UNC93A: variants seen among roughly 807,000 people sequenced by gnomAD.
The protein encoded by UNC93A is unc-93 homolog A, also known as N-acetylglucosamine transporter UNC93A.
In UNC93A, 43 loss-of-function variants were observed where a neutral mutation model predicts 47.5. That is an observed-to-expected ratio of 0.91 (90% confidence interval 0.71 to 1.17). UNC93A has a LOEUF of 1.17. Ranked by LOEUF, UNC93A falls within the 50% of genes most tolerant of loss-of-function variation. The pLI is 0.00. For missense variants in UNC93A, 605 were observed against 577.6 expected (o/e 1.05, Z -0.49); for synonymous variants, 280 against 258.0 (o/e 1.09, Z -0.82).
intron 5 of UNC93A, 70 bp from the exon 6 acceptor site, chr6:167,305,845 A>C (rs1052939215): frequency 1.2e-6 from 2 of 1,605,610 alleles, no homozygotes; most frequent in Non-Finnish European, 1.7e-6. Context: ...TAAGCACCCG[A>C]CTGCAGCTTT....
At chr6:167,294,727 C>G (rs755840790) in intron 2 of UNC93A, 29 bp downstream of exon 2, 48 of 1,561,700 alleles carry the variant, frequency 3.1e-5, no homozygotes, top group Middle Eastern at 1.7e-4. Flanking sequence ...CTGCCCACCC[C>G]ACCCCGGCCG....
intron 3 of UNC93A, among the ~76,000 whole-genome samples, chr6:167,297,513 A>C (rs1778120816): frequency 6.6e-6 from 1 of 152,226 alleles, no homozygotes; most frequent in South Asian, 2.1e-4. Flanking sequence ...AAAACAGAAA[A>C]GTTATGAAAT....
intron 1 of UNC93A, among the ~76,000 whole-genome samples, chr6:167,282,394 G>T (rs918028647): frequency 1.3e-5 from 2 of 152,100 alleles, no homozygotes; most frequent in Non-Finnish European, 2.9e-5. Flanking sequence ...AAGGTCTGTG[G>T]GGGAGGGGGA....
At chr6:167,273,711 T>C (rs1345468084) in intron 1 of UNC93A, among the ~76,000 whole-genome samples, 1 of 152,038 alleles carries the variant, frequency 6.6e-6, no homozygotes, top group African/African-American at 2.4e-5. Flanking sequence ...ATTTAAGCTG[T>C]ACATCAGTTC....
intron 6 of UNC93A, among the ~76,000 whole-genome samples, 175 bp downstream of exon 6, chr6:167,306,225 GAATCAGAT>G (rs1203442001): frequency 6.6e-6 from 1 of 152,172 alleles, no homozygotes; most frequent in East Asian, 1.9e-4. Flanking sequence ...CAACAAGCAG[GAATCAGAT>G]CTCTCCCCAA....
At chr6:167,307,746 C>A (rs758469058) in intron 6 of UNC93A, 33 bp from the exon 7 acceptor site, 2 of 1,579,756 alleles carry the variant, frequency 1.3e-6, no homozygotes, top group South Asian at 2.2e-5. Flanking sequence ...TGATGGCCCT[C>A]ATCGCCTGGC....
chr6:167,298,171 CTCT>C, intron 4 of UNC93A, 101 bp downstream of exon 4: 1 of 1,491,646 alleles, frequency 6.7e-7, no homozygotes. Flanking sequence ...AAAGTAATCT[CTCT>C]TCTTCTGAAA....
Position 167,296,269 on chromosome 6 carries a change from G to T in UNC93A, c.499+8G>T. 1.2e-6 allele frequency: 2 copies of T among 1,614,026 alleles called. No homozygotes were observed. The highest frequency in any genetic ancestry group is 1.7e-6 in the Non-Finnish European group (2 of 1,179,868). On this transcript the variant is annotated splice_region_variant and intron_variant, in intron 3 of 7. Transcript: ENST00000230256. ...GCCAGACTCCCAGCCAAGGTAAAAG[G>T]AAAAGGGGCAAGCAATTGTCTCCAA...
chr6:167,298,179 C>G, intron 4 of UNC93A, 109 bp downstream of exon 4: 1 of 1,467,042 alleles, frequency 6.8e-7, no homozygotes, highest in African/African-American at 1.4e-5. Flanking sequence ...CTCTCTTCTT[C>G]TGAAATATCC....
upstream of UNC93A, among the ~76,000 whole-genome samples, chr6:167,270,064 G>C (rs1056757395): frequency 9.0e-6 from 1 of 111,248 alleles, no homozygotes; most frequent in Non-Finnish European, 1.8e-5. Context: ...GGGTGGGGGT[G>C]GGGGGGGGGC....
intron 1 of UNC93A, among the ~76,000 whole-genome samples, chr6:167,276,763 CA>C (rs35925589): frequency 3.3e-5 from 5 of 151,634 alleles, no homozygotes; most frequent in African/African-American, 9.7e-5. Flanking sequence ...CAAGTCTAAG[CA>C]AAAAAAATGT....
chr6:167,305,773 C>T, intron 5 of UNC93A, 142 bp from the exon 6 acceptor site: 1 of 1,170,324 alleles, frequency 8.5e-7, no homozygotes, highest in Non-Finnish European at 1.2e-6. Flanking sequence ...GCATGGGAGC[C>T]ACAGAGCCTA....
At chr6:167,280,912 A>G (rs926317644) in intron 1 of UNC93A, among the ~76,000 whole-genome samples, 2 of 152,142 alleles carry the variant, frequency 1.3e-5, no homozygotes, top group Non-Finnish European at 2.9e-5. Flanking sequence ...AGGAGTACAA[A>G]TTTATCTCTA....
At chr6:167,281,452 C>T (rs1348284844) in intron 1 of UNC93A, among the ~76,000 whole-genome samples, 1 of 152,184 alleles carries the variant, frequency 6.6e-6, no homozygotes, top group Non-Finnish European at 1.5e-5. Flanking sequence ...AGCTAAAAGG[C>T]AGCCAGGAGG....
intron 1 of UNC93A, among the ~76,000 whole-genome samples, chr6:167,283,774 A>G (rs902302046): frequency 6.6e-6 from 1 of 152,246 alleles, no homozygotes; most frequent in African/African-American, 2.4e-5. Context: ...TCAGAGAGAA[A>G]TTATAACTAC....
intron 7 of UNC93A, among the ~76,000 whole-genome samples, chr6:167,313,736 A>G (rs1032043920): frequency 2.0e-5 from 3 of 152,034 alleles, no homozygotes; most frequent in Non-Finnish European, 2.9e-5. Context: ...GCCACAGAAC[A>G]TGGCATGATC....
chr6:167,270,738 C>T (rs745799808), upstream of UNC93A, among the ~76,000 whole-genome samples: 6 of 152,082 alleles, frequency 3.9e-5, no homozygotes, highest in Non-Finnish European at 7.4e-5. Flanking sequence ...CACTTGAGGA[C>T]GAAGGCAGAG....
intron 1 of UNC93A, among the ~76,000 whole-genome samples, chr6:167,284,461 C>T (rs1030129543): frequency 2.8e-4 from 43 of 152,384 alleles, no homozygotes; most frequent in Admixed American, 1.2e-3. Flanking sequence ...TTCCGAACAT[C>T]CGGGCTGGGG....
chr6:167,269,754 C>A (rs1783421232), upstream of UNC93A, among the ~76,000 whole-genome samples: 2 of 151,974 alleles, frequency 1.3e-5, no homozygotes, highest in African/African-American at 4.8e-5. Flanking sequence ...CTACAGGCGC[C>A]CACCACCACG....
Sources: allele counts gnomAD v4.1 joint callset (sites outside exome capture counted in the v4.1 genomes callset), GRCh38; gene constraint gnomAD v4.1.1; transcripts MANE v1.5; gene names NCBI Gene and HGNC (gene_info 2026-07-23, HGNC 2026-07-21).